RAP1GAP2: variants seen among roughly 807,000 people sequenced by gnomAD.
RAP1GAP2 encodes RAP1 GTPase activating protein 2.
A neutral mutation model predicts 95.0 loss-of-function variants in RAP1GAP2; 27 were observed. The observed-to-expected ratio is 0.28, with a 90% CI of 0.21 to 0.39. RAP1GAP2 has a LOEUF of 0.39. Among genes scored for constraint, RAP1GAP2 ranks in the 10% least tolerant of loss-of-function variants. The pLI is 1.00. For synonymous variants in RAP1GAP2, 373 were observed against 380.9 expected, an observed-to-expected ratio of 0.98 and a Z score of 0.24; for missense variants, 771 against 970.0, an observed-to-expected ratio of 0.79 and a Z score of 2.72.
At chr17:3,030,362 G>T (rs1338626762) in intron 22 of RAP1GAP2, among the ~76,000 whole-genome samples, 2 of 152,062 alleles carry the variant, frequency 1.3e-5, no homozygotes, top group African/African-American at 2.4e-5. Context: ...TGCAGACACA[G>T]CATGTTTTGA....
Position 3,034,780 on chromosome 17 carries a change from C to T in RAP1GAP2, c.*1419C>T, listed in dbSNP as rs949116406. On this transcript the variant is annotated 3_prime_UTR_variant, in exon 25 of 25. Transcript: ENST00000254695. The surrounding 1 kb of genome is among the most constrained non-coding windows in gnomAD (Gnocchi z 5.1). ...TCCGAGTCTGCAGCGCCGTGGGCTT[C>T]TCTGCCGATGGGCCCGGGTTGGGGT... is the stretch of plus-strand genomic sequence containing the variant. 1 of 152,726 alleles carries T rather than the reference C, an allele frequency of 6.5e-6. No homozygotes were observed. The highest frequency in any genetic ancestry group is 2.4e-5 in the African/African-American group (1 of 41,468). The allele number at this position is 152,726 out of a possible 1,614,324, so 9.5% of individuals were successfully genotyped here.
At chr17:2,800,474 A>G in intron 1 of RAP1GAP2, 41 bp from the exon 2 acceptor site, 1 of 1,603,102 alleles carries the variant, frequency 6.2e-7, no homozygotes, top group Non-Finnish European at 8.5e-7. Context: ...AGGAGTCTTC[A>G]GCCTCAGCAC....
intron 1 of RAP1GAP2, among the ~76,000 whole-genome samples, chr17:2,780,980 C>T (rs1304531533): frequency 6.6e-6 from 1 of 152,118 alleles, no homozygotes; most frequent in Non-Finnish European, 1.5e-5. Context: ...TTGTTGCAAC[C>T]CTTCAGGGAT....
intron 17 of RAP1GAP2, among the ~76,000 whole-genome samples, chr17:3,013,446 G>C (rs994348600): frequency 6.6e-6 from 1 of 152,108 alleles, no homozygotes; most frequent in Non-Finnish European, 1.5e-5. Flanking sequence ...TCTTGGAGCA[G>C]AGTTGGCATC....
intron 8 of RAP1GAP2, among the ~76,000 whole-genome samples, chr17:2,975,846 G>A (rs1293151529): frequency 6.6e-6 from 1 of 152,202 alleles, no homozygotes; most frequent in Non-Finnish European, 1.5e-5. Flanking sequence ...GCTCCCACGT[G>A]GTGGAGTGAT....
chr17:2,962,434 G>T (rs1168190662), intron 4 of RAP1GAP2: 8 of 502,416 alleles, frequency 1.6e-5, no homozygotes, highest in African/African-American at 4.1e-5. Context: ...GCAGTGTTGG[G>T]ATTTGAACCC....
intron 11 of RAP1GAP2, among the ~76,000 whole-genome samples, chr17:2,987,918 C>T (rs957454560): frequency 2.0e-5 from 3 of 152,246 alleles, no homozygotes; most frequent in African/African-American, 7.2e-5. Flanking sequence ...TGCCGCTCTT[C>T]ATGGCAGCCT....
intron 1 of RAP1GAP2, among the ~76,000 whole-genome samples, chr17:2,777,595 C>T (rs548980538): frequency 1.4e-4 from 21 of 152,174 alleles, no homozygotes; most frequent in Non-Finnish European, 2.6e-4. Context: ...CTGGCTTTGC[C>T]AGCACCAGGT....
At position 2,904,010 on chromosome 17, in the gene RAP1GAP2, C is replaced by T. The variant is rs1402580364; in HGVS notation, c.81-1274C>T. Among the ~76,000 whole-genome samples the T allele has an allele frequency of 2.0e-5, 3 of 152,106 alleles. No homozygotes were observed. The highest frequency in any genetic ancestry group is 4.1e-4 in the South Asian group (2 of 4,832). ...GGGCAGAAGGATTCTCTGGAGGTGG[C>T]AGTGGGGGTGCTTTGATCATTTACG... On this transcript the variant is annotated intron_variant, in intron 2 of 24. Transcript: ENST00000254695. This position sits in a 1 kb window ranked among gnomAD's most constrained non-coding sequence, Gnocchi z 4.7.
In RAP1GAP2 at chr17:3,029,871, C is replaced by T. The variant is rs1355757747; in HGVS notation, c.2108-1051C>T. On this transcript the variant is annotated intron_variant, in intron 22 of 24. Coordinates refer to ENST00000254695, the MANE Select transcript of RAP1GAP2 (RefSeq NM_015085.5). This position sits in a 1 kb window ranked among gnomAD's most constrained non-coding sequence, Gnocchi z 4.4. ...CAGTGTACAAATACTAGATAATATT[C>T]TTTACCATAAGTCCCATATGTCCAA... Among the ~76,000 whole-genome samples, 1 of 152,098 alleles carries T rather than the reference C, an allele frequency of 6.6e-6. No homozygotes were observed. The highest frequency in any genetic ancestry group is 2.4e-5 in the African/African-American group (1 of 41,494).
At chr17:2,804,852 A>G (rs978657185) in intron 2 of RAP1GAP2, among the ~76,000 whole-genome samples, 8 of 152,044 alleles carry the variant, frequency 5.3e-5, no homozygotes, top group Non-Finnish European at 1.0e-4. Flanking sequence ...CAAATCGTTC[A>G]CCTCTCTGGG....
In RAP1GAP2 at chr17:3,005,130, A is replaced by C. The variant is rs2046293795; in HGVS notation, c.1201-239A>C. On this transcript the variant is annotated intron_variant, in intron 14 of 24. Transcript: ENST00000254695. The surrounding 1 kb of genome is among the most constrained non-coding windows in gnomAD (Gnocchi z 5.2). ...CCCAGCCCTGTCCAGTCATCTTGCCAAACCTGCTTCTGGCCTCCAGGAATG... is the reference window on the plus strand; with the variant it reads ...CCCAGCCCTGTCCAGTCATCTTGCCCAACCTGCTTCTGGCCTCCAGGAATG... Among the ~76,000 whole-genome samples, 1 of 152,184 alleles carries C rather than the reference A, an allele frequency of 6.6e-6. No individual in the cohort carries two copies. The highest frequency in any genetic ancestry group is 1.5e-5 in the Non-Finnish European group (1 of 68,034).
At chr17:2,868,116 T>C (rs2072690992) in intron 2 of RAP1GAP2, among the ~76,000 whole-genome samples, 2 of 152,200 alleles carry the variant, frequency 1.3e-5, no homozygotes, top group Admixed American at 6.5e-5. Flanking sequence ...GTTTTGCTTA[T>C]GCTTTGTGGC....
intron 2 of RAP1GAP2, among the ~76,000 whole-genome samples, chr17:2,820,475 G>A (rs987067741): frequency 6.6e-6 from 1 of 152,146 alleles, no homozygotes; most frequent in African/African-American, 2.4e-5. Context: ...ACAAAAATTA[G>A]CCAGGTGTGG....
At chr17:2,918,066 C>T (rs2042627603) in intron 3 of RAP1GAP2, among the ~76,000 whole-genome samples, 1 of 151,964 alleles carries the variant, frequency 6.6e-6, no homozygotes, top group African/African-American at 2.4e-5. Flanking sequence ...TCAGTTTCCT[C>T]ATTTGTAGAA....
At chr17:2,886,161 G>GTGTGTATA (rs1474586782) in intron 2 of RAP1GAP2, among the ~76,000 whole-genome samples, 2 of 124,680 alleles carry the variant, frequency 1.6e-5, no homozygotes, top group African/African-American at 6.1e-5. Flanking sequence ...GTGTGTGTGT[G>GTGTGTATA]TATATATATA....
intron 2 of RAP1GAP2, among the ~76,000 whole-genome samples, chr17:2,815,881 G>A (rs1171852898): frequency 6.6e-6 from 1 of 152,250 alleles, no homozygotes; most frequent in African/African-American, 2.4e-5. Flanking sequence ...CAGGCACACT[G>A]AGCATTGTGT....
At chr17:2,911,436 A>AT (rs941328890) in intron 3 of RAP1GAP2, among the ~76,000 whole-genome samples, 3 of 149,738 alleles carry the variant, frequency 2.0e-5, no homozygotes, top group East Asian at 2.0e-4. Context: ...CCAGGCCCAT[A>AT]TTTTTTTTTG....
intron 12 of RAP1GAP2, among the ~76,000 whole-genome samples, chr17:2,992,164 C>CTT (rs11454789): frequency 4.7e-4 from 63 of 134,732 alleles, no homozygotes; most frequent in Admixed American, 5.2e-4. Flanking sequence ...ACAGTCTATG[C>CTT]TTTTTTTTTT....
Sources: gnomAD v4.1 joint callset for allele counts (sites outside exome capture counted in the v4.1 genomes callset) on GRCh38, gnomAD v4.1.1 for gene constraint, Gnocchi (gnomAD v3.1) non-coding constraint, MANE v1.5 for transcripts, NCBI Gene and HGNC (gene_info 2026-07-23, HGNC 2026-07-21) for gene names.